Variants in FRMD4A observed in about 807,000 individuals in gnomAD.
The protein encoded by FRMD4A is FERM domain-containing protein 4A.
FRMD4A carries 29 observed loss-of-function variants against 129.1 expected under a neutral mutation model. That is an observed-to-expected ratio of 0.22 (90% CI 0.17 to 0.31). The LOEUF (loss-of-function observed/expected upper bound fraction) is 0.31, where lower values mean the gene tolerates loss of function less well. Among genes scored for constraint, FRMD4A ranks in the 10% least tolerant of loss-of-function variants. The pLI is 1.00. For missense variants in FRMD4A, 1,272 were observed against 1,375.8 expected, an observed-to-expected ratio of 0.92 and a Z score of 1.19; for synonymous variants, 634 against 571.6, an observed-to-expected ratio of 1.11 and a Z score of -1.56.
chr10:14,330,901 A>G lies in FRMD4A; in HGVS notation c.-386T>C. 2.5e-6 allele frequency: 1 copy of G among 398,654 alleles called. No individual in the cohort carries two copies. The highest frequency in any genetic ancestry group is 2.1e-5 in the African/African-American group (1 of 48,712). 24.7% of individuals were successfully genotyped at this position (398,654 alleles called of 1,614,324 possible). ...TGAGCGTTCTGATCTCCCTGGCTGT[A>G]CCACATGTACGCCGCATACAGACAC... On this transcript the variant is annotated 5_prime_UTR_variant, in exon 1 of 25. Transcript: ENST00000357447.
At chr10:13,660,632 A>C in intron 19 of FRMD4A, 79 bp from the exon 20 acceptor site, 2 of 841,940 alleles carry the variant, frequency 2.4e-6, no homozygotes. Context: ...ACACCCCTCC[A>C]CCCGCACCTT....
At chr10:14,199,541 C>G (rs181279444) in intron 2 of FRMD4A, among the ~76,000 whole-genome samples, 2 of 151,958 alleles carry the variant, frequency 1.3e-5, no homozygotes, top group African/African-American at 2.4e-5. Flanking sequence ...AGGCACCCAC[C>G]ACCACGTCTG....
chr10:14,010,246 T>A (rs2095676700), intron 2 of FRMD4A, among the ~76,000 whole-genome samples: 1 of 152,154 alleles, frequency 6.6e-6, no homozygotes. Context: ...TTCCCAGGGG[T>A]ATTAATGAGT....
At chr10:13,867,745 TATAATATATAATATATAATATA>T (rs1343937933) in intron 2 of FRMD4A, among the ~76,000 whole-genome samples, 1,643 of 124,828 alleles carry the variant, frequency 0.013, 37 homozygotes, top group African/African-American at 0.048. Flanking sequence ...TAACATATAA[TATAATATATAATATATAATATA>T]ATATGATATA....
chr10:13,802,267 C>T (rs1199638941), intron 4 of FRMD4A, among the ~76,000 whole-genome samples: 5 of 152,142 alleles, frequency 3.3e-5, no homozygotes, highest in African/African-American at 1.2e-4. Context: ...ATAGAGATGG[C>T]CTCAGGGAGA....
chr10:13,883,521 A>T (rs1182051291), intron 2 of FRMD4A, among the ~76,000 whole-genome samples: 1 of 152,144 alleles, frequency 6.6e-6, no homozygotes, highest in Non-Finnish European at 1.5e-5. Context: ...AAAACCAAGA[A>T]ACAAAGCACT....
intron 2 of FRMD4A, among the ~76,000 whole-genome samples, chr10:14,078,090 T>A (rs1835715142): frequency 6.6e-6 from 1 of 152,178 alleles, no homozygotes; most frequent in South Asian, 2.1e-4. Context: ...GTTATTAGAT[T>A]TCTGAGGCAG....
At chr10:13,730,724 G>GTT (rs141742955) in intron 12 of FRMD4A, among the ~76,000 whole-genome samples, 3 of 151,720 alleles carry the variant, frequency 2.0e-5, no homozygotes, top group African/African-American at 7.3e-5. Flanking sequence ...TGCAAGATTT[G>GTT]TTTTTTTGGC....
At chr10:13,827,239 G>C (rs2093715720) in intron 3 of FRMD4A, among the ~76,000 whole-genome samples, 1 of 152,094 alleles carries the variant, frequency 6.6e-6, no homozygotes, top group Non-Finnish European at 1.5e-5. Context: ...ACACATAAGG[G>C]GTATCAGGCA....
intron 2 of FRMD4A, among the ~76,000 whole-genome samples, chr10:13,946,136 C>T (rs1250391277): frequency 5.3e-5 from 8 of 152,316 alleles, no homozygotes; most frequent in Non-Finnish European, 1.0e-4. Context: ...GTTTATGTCC[C>T]TTTCCTGACC....
intron 2 of FRMD4A, among the ~76,000 whole-genome samples, chr10:13,939,324 C>T (rs906064514): frequency 6.6e-6 from 1 of 152,144 alleles, no homozygotes; most frequent in African/African-American, 2.4e-5. Flanking sequence ...GGTGAGATTA[C>T]CAATGCAATT....
In FRMD4A at chr10:14,069,829, A is replaced by AC. The variant is rs200390322; in HGVS notation, c.46-210918_46-210917insG. On this transcript the variant is annotated intron_variant, in intron 2 of 24. Transcript: ENST00000357447. ...TAATATTTGCACGGCCCATGGAACT[A>AC]AATATTTGGGAATTACAGCTTTTAT... Among the ~76,000 whole-genome samples the AC allele has an allele frequency of 3.5e-4, 53 of 152,302 alleles. No homozygotes were observed. The East Asian group carries it at 9.8e-3, about 28-fold the overall frequency.
At chr10:13,798,242 C>G (rs1405062714) in intron 4 of FRMD4A, among the ~76,000 whole-genome samples, 2 of 152,090 alleles carry the variant, frequency 1.3e-5, no homozygotes, top group African/African-American at 4.8e-5. Flanking sequence ...GAAACCCTGT[C>G]TCTACTAAAA....
intron 2 of FRMD4A, among the ~76,000 whole-genome samples, chr10:14,237,371 C>A (rs954839835): frequency 2.0e-5 from 3 of 152,124 alleles, no homozygotes; most frequent in African/African-American, 7.2e-5. Flanking sequence ...CACTCTGTCG[C>A]CCAGGCTGGA....
At chr10:13,790,471 A>G (rs546674247) in intron 5 of FRMD4A, among the ~76,000 whole-genome samples, 42 of 152,164 alleles carry the variant, frequency 2.8e-4, no homozygotes, top group Non-Finnish European at 5.0e-4. Flanking sequence ...CAAGCAAGAC[A>G]CGACCTCGTG....
intron 2 of FRMD4A, among the ~76,000 whole-genome samples, chr10:14,181,694 G>A (rs901959470): frequency 6.6e-6 from 1 of 152,102 alleles, no homozygotes; most frequent in Non-Finnish European, 1.5e-5. Context: ...TGATTACCAT[G>A]AATTTTTTTT....
At chr10:14,016,892 C>G (rs549183795) in intron 2 of FRMD4A, among the ~76,000 whole-genome samples, 1 of 152,212 alleles carries the variant, frequency 6.6e-6, no homozygotes, top group South Asian at 2.1e-4. Context: ...GAAGGCCTTG[C>G]CTTATGGACA....
intron 2 of FRMD4A, among the ~76,000 whole-genome samples, chr10:13,910,019 A>AAT (rs2094925379): frequency 6.6e-6 from 1 of 152,246 alleles, no homozygotes; most frequent in Admixed American, 6.5e-5. Flanking sequence ...GACAGCCATG[A>AAT]AATATGTTGT....
intron 2 of FRMD4A, among the ~76,000 whole-genome samples, chr10:14,177,988 G>C (rs1841790328): frequency 6.6e-6 from 1 of 152,198 alleles, no homozygotes; most frequent in East Asian, 1.9e-4. Context: ...AATAGCTGTT[G>C]AATGCTTACC....
Sources: gnomAD v4.1 joint callset for allele counts (sites outside exome capture counted in the v4.1 genomes callset) on GRCh38, gnomAD v4.1.1 for gene constraint, MANE v1.5 for transcripts, NCBI Gene and HGNC (gene_info 2026-07-23, HGNC 2026-07-21) for gene names.